MXD1: variants seen among roughly 807,000 people sequenced by gnomAD.
The protein encoded by MXD1 is MAX-binding protein.
In MXD1, 9 loss-of-function variants were observed where a neutral mutation model predicts 25.7. That is an observed-to-expected ratio of 0.35 (90% confidence interval 0.21 to 0.61). MXD1 has a LOEUF of 0.61. Ranked by LOEUF, MXD1 falls within the 20% of genes least tolerant of loss-of-function variation. The probability of loss-of-function intolerance (pLI) is 0.75; values close to 1 mark genes in which losing one functional copy is unlikely to be tolerated. For missense variants in MXD1, 227 were observed against 292.4 expected, an observed-to-expected ratio of 0.78 and a Z score of 1.63; for synonymous variants, 99 against 113.9, an observed-to-expected ratio of 0.87 and a Z score of 0.83.
rs182348820 is a variant in MXD1, at chr2:69,937,080, G to C, written c.319-155G>C. The C allele has an allele frequency of 2.4e-4, 232 of 980,776 alleles. No individual in the cohort carries two copies. The East Asian group carries it at 5.5e-3, about 23-fold the overall frequency. The allele number at this position is 980,776 out of a possible 1,614,324, so 60.8% of individuals were successfully genotyped here. On this transcript the variant is annotated intron_variant, in intron 4 of 5. Coordinates refer to ENST00000264444, the MANE Select transcript of MXD1 (RefSeq NM_002357.4). ...AGACGAAGCCAGGAGTCACTGGCCAGTCGACTTCCTGTCTCAGGGAGAAGC... is the reference window on the plus strand; with the variant it reads ...AGACGAAGCCAGGAGTCACTGGCCACTCGACTTCCTGTCTCAGGGAGAAGC...
intron 2 of MXD1, among the ~76,000 whole-genome samples, chr2:69,917,993 G>C (rs1186917622): frequency 1.3e-5 from 2 of 152,154 alleles, no homozygotes; most frequent in African/African-American, 4.8e-5. Context: ...TAAACCTAGA[G>C]GTAGCACCAG....
At position 69,916,123 on chromosome 2, in the gene MXD1, G is replaced by T; in HGVS notation, c.76G>T (p.Ala26Ser). 6.2e-7 allele frequency: 1 copy of T among 1,603,962 alleles called. No individual in the cohort carries two copies. Residue 26 changes from alanine to serine, a missense_variant and splice_region_variant, in exon 2 of 6, where the codon GCT (alanine) becomes TCT (serine). Transcript: ENST00000264444. ...AACTGGATCCTCCTGTTTTCTAGAA[G>T]CTGAACATGGTTATGCCTCCATGTT... is the stretch of plus-strand genomic sequence containing the variant. ...ADYLERREREAEHGYASMLPY... is the reference protein window; with the variant it reads ...ADYLERRERESEHGYASMLPY...
At chr2:69,925,037 C>A (rs1207726509) in intron 3 of MXD1, among the ~76,000 whole-genome samples, 1 of 152,172 alleles carries the variant, frequency 6.6e-6, no homozygotes, top group Non-Finnish European at 1.5e-5. Context: ...GTATTTTCTA[C>A]TCAACAGAAT....
At chr2:69,937,201 T>A (rs754206148) in intron 4 of MXD1, 34 bp from the exon 5 acceptor site, 14 of 1,610,826 alleles carry the variant, frequency 8.7e-6, no homozygotes, top group Non-Finnish European at 9.3e-6. Flanking sequence ...GAGATCTCCC[T>A]GTGGGGCCCA....
intron 2 of MXD1, 86 bp from the exon 3 acceptor site, chr2:69,921,650 A>G (rs1427763232): frequency 1.6e-6 from 2 of 1,268,056 alleles, no homozygotes; most frequent in African/African-American, 1.5e-5. Context: ...CTTTGGAGAG[A>G]AAGAAGTTAA....
intron 4 of MXD1, among the ~76,000 whole-genome samples, chr2:69,936,105 G>A (rs1041483425): frequency 1.3e-5 from 2 of 151,674 alleles, no homozygotes; most frequent in South Asian, 4.2e-4. Flanking sequence ...CCTCTGCTTG[G>A]TACACTTTCC....
rs986136688 is a variant in MXD1, at chr2:69,915,951, T to G, written c.74-170T>G. ...TTACACCTGCTCCGAATTGACGATA[T>G]TCACACAATTTTTTTTTAAATCATT... On this transcript the variant is annotated intron_variant, in intron 1 of 5. Coordinates refer to ENST00000264444, the MANE Select transcript of MXD1 (RefSeq NM_002357.4). The surrounding 1 kb of genome is among the most constrained non-coding windows in gnomAD (Gnocchi z 5.8). 3.3e-5 allele frequency among the ~76,000 whole-genome samples: 5 copies of G among 152,246 alleles called. No homozygotes were observed. Among genetic ancestry groups the G allele is most frequent in the Non-Finnish European group, 7.3e-5 (5 of 68,038 alleles).
chr2:69,920,089 C>A (rs1413568739), intron 2 of MXD1, among the ~76,000 whole-genome samples: 2 of 152,184 alleles, frequency 1.3e-5, no homozygotes, highest in Non-Finnish European at 2.9e-5. Flanking sequence ...CAGCTCACTG[C>A]AACCTCCAAC....
chr2:69,938,145 T>C lies in MXD1; in HGVS notation c.527T>C (p.Leu176Pro). 6.2e-7 allele frequency: 1 copy of C among 1,614,232 alleles called. No individual in the cohort carries two copies. Among genetic ancestry groups the C allele is most frequent in the East Asian group, 2.2e-5 (1 of 44,894 alleles). ...AGCACGGACTATCTCACAGGTGATC[T>C]GGACTGGAGCAGCAGCAGTGTGAGC... ...VESTDYLTGD[L>P]DWSSSSVSDS... is the part of the protein sequence containing the mutation. Residue 176 changes from leucine (L) to proline (P), a missense_variant, in exon 6 of 6, where the codon CTG becomes CCG. By Grantham distance (98) the Leu-to-Pro change is moderately conservative. Transcript: ENST00000264444.
chr2:69,924,107 T>G (rs1677125682), intron 3 of MXD1, among the ~76,000 whole-genome samples: 1 of 152,168 alleles, frequency 6.6e-6, no homozygotes, highest in Admixed American at 6.6e-5. Context: ...ATTAAATGCG[T>G]TCATAGTAGG....
chr2:69,932,805 C>T (rs1330282308), intron 3 of MXD1, among the ~76,000 whole-genome samples: 28 of 152,158 alleles, frequency 1.8e-4, no homozygotes, highest in Non-Finnish European at 2.9e-5. Flanking sequence ...TGCATATAAA[C>T]CAACATCATA....
At position 69,936,175 on chromosome 2, in the gene MXD1, T is replaced by C. The variant is rs77175494; in HGVS notation, c.318+710T>C. Among the ~76,000 whole-genome samples, 875 of 152,206 alleles carry C rather than the reference T, an allele frequency of 5.7e-3. 21 individuals are homozygous for C. The East Asian group carries it at 0.06, about 10-fold the overall frequency. ...CTTCAGATCACAGTGCAAGTCTCTC[T>C]AGCTCTGATAATCCTTCGCTGACTT... On this transcript the variant is annotated intron_variant, in intron 4 of 5. Transcript: ENST00000264444.
chr2:69,922,341 G>A (rs1000776927), intron 3 of MXD1, among the ~76,000 whole-genome samples: 1 of 152,166 alleles, frequency 6.6e-6, no homozygotes, highest in African/African-American at 2.4e-5. Flanking sequence ...CTCTCACCTG[G>A]ATTGCCTCTT....
Position 69,939,814 on chromosome 2 carries a change from G to C in MXD1, c.*1530G>C, listed in dbSNP as rs1225856621. 1 of 152,310 alleles carries C rather than the reference G, an allele frequency of 6.6e-6. No individual in the cohort carries two copies. The highest frequency in any genetic ancestry group is 2.4e-5 in the African/African-American group (1 of 41,432). 9.4% of individuals were successfully genotyped at this position (152,310 alleles called of 1,614,324 possible). On this transcript the variant is annotated 3_prime_UTR_variant, in exon 6 of 6. Coordinates refer to ENST00000264444, the MANE Select transcript of MXD1 (RefSeq NM_002357.4). ...GACCTAAGGGCTCAACGGCTGACTCGGCAGCGGGCAGCCACCCCACGCTCC... is the reference window on the plus strand; with the variant it reads ...GACCTAAGGGCTCAACGGCTGACTCCGCAGCGGGCAGCCACCCCACGCTCC...
rs2104216609 is a variant in MXD1, at chr2:69,938,359, C to T, written c.*75C>T. ...GATTAGGTAACGTATTGGACCTGCC[C>T]ACAACTCCCTTGCACGTAAACTTCA... is the stretch of plus-strand genomic sequence containing the variant. On this transcript the variant is annotated 3_prime_UTR_variant, in exon 6 of 6. Coordinates refer to ENST00000264444, the MANE Select transcript of MXD1 (RefSeq NM_002357.4). 1.3e-5 allele frequency: 19 copies of T among 1,472,836 alleles called. No individual in the cohort carries two copies. Among genetic ancestry groups the T allele is most frequent in the South Asian group, 2.5e-5 (2 of 80,284 alleles). 91.2% of individuals were successfully genotyped at this position (1,472,836 alleles called of 1,614,324 possible).
At chr2:69,916,023 C>A (rs1410456666) in intron 1 of MXD1, 98 bp from the exon 2 acceptor site, 2 of 722,598 alleles carry the variant, frequency 2.8e-6, no homozygotes, top group Non-Finnish European at 4.8e-6. Flanking sequence ...CCACAATATT[C>A]TTTTAAAGAT....
rs1323849843 is a variant in MXD1 at position 69,938,391 on chromosome 2, CA to C, written c.*108del. On this transcript the variant is annotated 3_prime_UTR_variant, in exon 6 of 6. Transcript: ENST00000264444. ...CCCTTGCACGTAAACTTCAGTGTCC[CA>C]CCTTGACCAAAATCAGCTTTGTAAC... The C allele has an allele frequency of 2.0e-4, 240 of 1,171,628 alleles. 3 individuals carry two copies. In the East Asian group the frequency reaches 5.8e-3, roughly 28 times the overall value. The allele number at this position is 1,171,628 out of a possible 1,614,324, so 72.6% of individuals were successfully genotyped here.
chr2:69,931,253 C>A (rs1378580044), intron 3 of MXD1, among the ~76,000 whole-genome samples: 1 of 152,114 alleles, frequency 6.6e-6, no homozygotes, highest in African/African-American at 2.4e-5. Flanking sequence ...GTTGTGCTAT[C>A]AAATACTAGG....
intron 2 of MXD1, 160 bp downstream of exon 2, chr2:69,916,380 G>A: frequency 6.1e-6 from 3 of 491,618 alleles, no homozygotes; most frequent in Non-Finnish European, 1.1e-5. Flanking sequence ...GCAGGAAGCT[G>A]TTTCTGTTTG....
Sources: allele counts gnomAD v4.1 joint callset (sites outside exome capture counted in the v4.1 genomes callset), GRCh38; gene constraint gnomAD v4.1.1; non-coding constraint Gnocchi (gnomAD v3.1); transcripts MANE v1.5; gene names NCBI Gene and HGNC (gene_info 2026-07-23, HGNC 2026-07-21).